ARSB: variants seen among roughly 807,000 people sequenced by gnomAD.
ARSB encodes arylsulfatase B.
Under a neutral mutation model 50.9 loss-of-function variants are expected in ARSB, and 41 were observed. The observed-to-expected ratio is 0.81, with a 90% CI of 0.63 to 1.04. The LOEUF (loss-of-function observed/expected upper bound fraction) is 1.04, where lower values mean the gene tolerates loss of function less well. ARSB is among the 50% of genes least tolerant of loss of function. The probability of loss-of-function intolerance (pLI) is 0.00; values close to 1 mark genes in which losing one functional copy is unlikely to be tolerated. For synonymous variants in ARSB, 269 were observed against 284.8 expected (o/e 0.94, Z 0.56); for missense variants, 672 against 693.3 (o/e 0.97, Z 0.35).
chr5:78,842,254 G>A (rs1292135969), intron 5 of ARSB, among the ~76,000 whole-genome samples: 1 of 152,162 alleles, frequency 6.6e-6, no homozygotes, highest in African/African-American at 2.4e-5. Flanking sequence ...GACAGAAACG[G>A]AGCTTGTCGG....
chr5:78,983,951 C>A (rs1315179395), intron 1 of ARSB, among the ~76,000 whole-genome samples: 1 of 152,142 alleles, frequency 6.6e-6, no homozygotes, highest in Non-Finnish European at 1.5e-5. Flanking sequence ...CAGGTGGTAT[C>A]CAACAGTTCC....
chr5:78,926,913 G>T (rs563100389), intron 4 of ARSB, among the ~76,000 whole-genome samples: 2 of 152,316 alleles, frequency 1.3e-5, no homozygotes, highest in Non-Finnish European at 2.9e-5. Flanking sequence ...ACAGGGTTTT[G>T]CTCTGTTGCC....
intron 4 of ARSB, among the ~76,000 whole-genome samples, chr5:78,919,484 C>A (rs192583914): frequency 6.6e-6 from 1 of 151,744 alleles, no homozygotes; most frequent in African/African-American, 2.4e-5. Context: ...TTCATTTATT[C>A]ATTTATTTAT....
chr5:78,789,704 A>G (rs984279621), intron 6 of ARSB, among the ~76,000 whole-genome samples: 2 of 152,224 alleles, frequency 1.3e-5, no homozygotes, highest in African/African-American at 2.4e-5. Flanking sequence ...AGCCATAGAG[A>G]GAACTAATAA....
In ARSB at chr5:78,816,099, G is replaced by A. The variant is rs773599062; in HGVS notation, c.1213+23257C>T. 1.6e-5 allele frequency: 26 copies of A among 1,613,922 alleles called. No individual in the cohort carries two copies. In the Admixed American group the frequency reaches 3.2e-4, roughly 20 times the overall value. On this transcript the variant is annotated intron_variant, in intron 6 of 7. Transcript: ENST00000264914. ...AGTTGGTGGTAGCTACAACAGCAGC[G>A]AGCACTCAGGCCAGTCTGTAAAACA...
intron 6 of ARSB, among the ~76,000 whole-genome samples, chr5:78,833,291 C>T (rs962420610): frequency 1.1e-4 from 16 of 152,048 alleles, no homozygotes; most frequent in African/African-American, 3.1e-4. Flanking sequence ...ATTCCCCAGG[C>T]TCTCTCACGG....
intron 6 of ARSB, among the ~76,000 whole-genome samples, chr5:78,813,802 C>T (rs1425864421): frequency 1.3e-5 from 2 of 152,044 alleles, no homozygotes; most frequent in Non-Finnish European, 2.9e-5. Flanking sequence ...ATAATAGAGT[C>T]ATGCAGTACT....
intron 4 of ARSB, among the ~76,000 whole-genome samples, chr5:78,886,155 G>A (rs1748023562): frequency 6.6e-6 from 1 of 152,136 alleles, no homozygotes; most frequent in African/African-American, 2.4e-5. Flanking sequence ...GTGTAACTTT[G>A]TATAGCATGG....
At chr5:78,948,297 G>A (rs1442482203) in intron 4 of ARSB, among the ~76,000 whole-genome samples, 1 of 152,064 alleles carries the variant, frequency 6.6e-6, no homozygotes, top group Non-Finnish European at 1.5e-5. Flanking sequence ...AGTTTAATTG[G>A]AATGTTGGTA....
At chr5:78,817,020 C>T (rs1203137379) in intron 6 of ARSB, 2 of 937,456 alleles carry the variant, frequency 2.1e-6, no homozygotes, top group South Asian at 4.9e-5. Flanking sequence ...TTTTAAGCTG[C>T]TAAATTTGTG....
At chr5:78,798,720 T>C (rs1743269424) in intron 6 of ARSB, among the ~76,000 whole-genome samples, 1 of 152,244 alleles carries the variant, frequency 6.6e-6, no homozygotes, top group South Asian at 2.1e-4. Context: ...ATCAGCCTTT[T>C]AATGGCTGTC....
chr5:78,911,146 T>C (rs337849), intron 4 of ARSB, among the ~76,000 whole-genome samples: 106,776 of 151,922 alleles, frequency 0.7, 37,624 homozygotes, highest in South Asian at 0.79. Context: ...ATGGATGTAT[T>C]TTACCTTTGG....
chr5:78,896,103 G>A (rs1230760811), intron 4 of ARSB, among the ~76,000 whole-genome samples: 1 of 152,202 alleles, frequency 6.6e-6, no homozygotes, highest in Non-Finnish European at 1.5e-5. Flanking sequence ...GTGATGGAAG[G>A]CAGGCTCAGA....
chr5:78,850,998 T>G (rs1581039973), intron 5 of ARSB, among the ~76,000 whole-genome samples: 2 of 152,332 alleles, frequency 1.3e-5, no homozygotes, highest in African/African-American at 4.8e-5. Flanking sequence ...TGTTGATCTT[T>G]TCAAAAAACC....
At chr5:78,940,252 GT>G (rs1262061090) in intron 4 of ARSB, among the ~76,000 whole-genome samples, 7 of 152,178 alleles carry the variant, frequency 4.6e-5, no homozygotes, top group Non-Finnish European at 1.5e-5. Context: ...TCTGATGGTA[GT>G]TTCTTTTGCT....
At chr5:78,784,194 T>C (rs1175115335) in intron 6 of ARSB, among the ~76,000 whole-genome samples, 3 of 152,208 alleles carry the variant, frequency 2.0e-5, no homozygotes, top group African/African-American at 7.2e-5. Flanking sequence ...TTTTATGCTT[T>C]AAAAATGTAT....
intron 4 of ARSB, among the ~76,000 whole-genome samples, chr5:78,944,106 C>T (rs1016536686): frequency 9.9e-5 from 15 of 152,192 alleles, no homozygotes; most frequent in Non-Finnish European, 1.5e-4. Flanking sequence ...ACGTAGTTCT[C>T]GTGCCGTGGT....
intron 2 of ARSB, among the ~76,000 whole-genome samples, chr5:78,967,621 C>G (rs1282108657): frequency 6.6e-6 from 1 of 150,414 alleles, no homozygotes; most frequent in Non-Finnish European, 1.5e-5. Flanking sequence ...TGCAGTGAGC[C>G]GAGATCATGA....
chr5:78,915,039 T>C (rs975455801), intron 4 of ARSB, among the ~76,000 whole-genome samples: 17 of 152,340 alleles, frequency 1.1e-4, no homozygotes, highest in African/African-American at 4.1e-4. Flanking sequence ...CTACTTTCTT[T>C]AGTTTTTGAG....
Sources: allele counts gnomAD v4.1 joint callset (sites outside exome capture counted in the v4.1 genomes callset), GRCh38; gene constraint gnomAD v4.1.1; transcripts MANE v1.5; gene names NCBI Gene and HGNC (gene_info 2026-07-23, HGNC 2026-07-21).